The following XPNPEP1 variants were observed in gnomAD, a reference collection of about 807,000 sequenced individuals.
XPNPEP1 encodes the protein xaa-Pro aminopeptidase 1.
Under a neutral mutation model 92.4 loss-of-function variants are expected in XPNPEP1, and 39 were observed. The ratio of observed to expected loss-of-function variants is 0.42; its 90% CI spans 0.33 to 0.55. XPNPEP1 has a LOEUF of 0.55. XPNPEP1 is among the 20% of genes least tolerant of loss of function. The probability of loss-of-function intolerance (pLI) is 0.08; values close to 1 mark genes in which losing one functional copy is unlikely to be tolerated. For missense variants in XPNPEP1, 654 were observed against 856.1 expected, an observed-to-expected ratio of 0.76 and a Z score of 2.95; for synonymous variants, 307 against 299.4, an observed-to-expected ratio of 1.03 and a Z score of -0.26.
chr10:109,923,460 T>C lies in XPNPEP1; in HGVS notation c.-27A>G. On this transcript the variant is annotated 5_prime_UTR_variant, in exon 1 of 21. Coordinates refer to ENST00000502935, the MANE Select transcript of XPNPEP1 (RefSeq NM_020383.4). ...CGGCGGTGACGTGCCCCAGCCCACGTCAGGGGAGCGCAGACCAGCTGATCA... is the reference window on the plus strand; with the variant it reads ...CGGCGGTGACGTGCCCCAGCCCACGCCAGGGGAGCGCAGACCAGCTGATCA... The C allele has an allele frequency of 7.1e-7, 1 of 1,414,082 alleles. No individual in the cohort carries two copies. The highest frequency in any genetic ancestry group is 1.3e-5 in the South Asian group (1 of 74,090). 87.6% of individuals were successfully genotyped at this position (1,414,082 alleles called of 1,614,324 possible). A position where few individuals can be genotyped will look rare whatever the true frequency, so the allele number is the denominator to read the frequency against.
chr10:109,897,819 A>T (rs886847538), intron 3 of XPNPEP1, among the ~76,000 whole-genome samples: 3 of 151,966 alleles, frequency 2.0e-5, no homozygotes, highest in African/African-American at 7.2e-5. Flanking sequence ...ACACCCAGCT[A>T]ATTTTGGTAT....
chr10:109,869,732 G>A, intron 19 of XPNPEP1: 2 of 472,072 alleles, frequency 4.2e-6, no homozygotes. Flanking sequence ...GGGAAGGAGT[G>A]TGGTTTCCAG....
chr10:109,865,246 C>T lies in XPNPEP1; in HGVS notation c.1939G>A (p.Gly647Ser). Residue 647 changes from glycine to serine, a missense_variant, in exon 21 of 21, where the codon GGC becomes AGC. Coordinates refer to ENST00000502935, the MANE Select transcript of XPNPEP1 (RefSeq NM_020383.4). ...DVIGKELQKQ[G>S]RQEALEWLIR... ...AGCCACTCGAGAGCTTCCTGGCGGC[C>T]CTGTTTCTGCAATTCCTTCCCAATC... The T allele has an allele frequency of 6.2e-7, 1 of 1,614,146 alleles. No homozygotes were observed. Among genetic ancestry groups the T allele is most frequent in the East Asian group, 2.2e-5 (1 of 44,880 alleles).
chr10:109,913,074 A>G (rs181432443), intron 2 of XPNPEP1, among the ~76,000 whole-genome samples: 7 of 152,386 alleles, frequency 4.6e-5, no homozygotes, highest in Non-Finnish European at 8.8e-5. Context: ...CAACAGGCCT[A>G]GTCCACGATG....
Position 109,885,489 on chromosome 10 carries a change from T to G in XPNPEP1, c.748+757A>C, listed in dbSNP as rs566527582. 1.5e-3 allele frequency among the ~76,000 whole-genome samples: 223 copies of G among 152,368 alleles called. 1 individual carries two copies. Among genetic ancestry groups the G allele is most frequent in the African/African-American group, 5.0e-3 (209 of 41,592 alleles). On this transcript the variant is annotated intron_variant, in intron 8 of 20. Transcript: ENST00000502935. ...GAGAAAAGTTTTACAGGTGTTTTTC[T>G]CTGACGTTGAGATCATTAAGTTAAT... is the stretch of plus-strand genomic sequence containing the variant.
At chr10:109,916,700 G>C (rs1218946843) in intron 1 of XPNPEP1, among the ~76,000 whole-genome samples, 1 of 152,134 alleles carries the variant, frequency 6.6e-6, no homozygotes, top group Non-Finnish European at 1.5e-5. Flanking sequence ...ACCCCAATAT[G>C]TCTTCTAAAA....
At chr10:109,868,530 G>A in intron 20 of XPNPEP1, 84 bp downstream of exon 20, 3 of 1,174,736 alleles carry the variant, frequency 2.6e-6, no homozygotes, top group Non-Finnish European at 2.4e-6. Context: ...AGAGAATTTA[G>A]GATTTAGAGG....
At chr10:109,890,219 C>T (rs568605701) in intron 5 of XPNPEP1, among the ~76,000 whole-genome samples, 189 of 152,272 alleles carry the variant, frequency 1.2e-3, no homozygotes, top group Non-Finnish European at 2.3e-3. Flanking sequence ...GCAGTGTTTG[C>T]GCCTCTGACC....
At chr10:109,884,425 C>T in intron 8 of XPNPEP1, 1 of 368,134 alleles carries the variant, frequency 2.7e-6, no homozygotes, top group Non-Finnish European at 4.9e-6. Flanking sequence ...CTGAGAACTG[C>T]CCCCACAAGG....
intron 15 of XPNPEP1, among the ~76,000 whole-genome samples, chr10:109,875,255 G>C (rs564340644): frequency 6.6e-6 from 1 of 152,274 alleles, no homozygotes; most frequent in Non-Finnish European, 1.5e-5. Flanking sequence ...GGTTCCAAAA[G>C]CTTGCTTTAC....
At chr10:109,896,610 T>C (rs1849007062) in intron 3 of XPNPEP1, among the ~76,000 whole-genome samples, 1 of 152,040 alleles carries the variant, frequency 6.6e-6, no homozygotes, top group Non-Finnish European at 1.5e-5. Flanking sequence ...GTTTATTGTC[T>C]TGTTCCTCAA....
intron 2 of XPNPEP1, 68 bp downstream of exon 2, chr10:109,914,943 C>G: frequency 1.0e-6 from 1 of 1,001,754 alleles, no homozygotes; most frequent in South Asian, 2.0e-5. Flanking sequence ...CTCACCCAAC[C>G]TGGGGTTGGG....
chr10:109,891,719 C>T lies in XPNPEP1; in HGVS notation c.415+3G>A, dbSNP rs762023662. 6.4e-7 allele frequency: 1 copy of T among 1,568,320 alleles called. No individual in the cohort carries two copies. ...AGTTTGGGCTAGCCATGCCTGTACCCACCCATCTTCATAAGTGTCCAGTTG... is the reference window on the plus strand; with the variant it reads ...AGTTTGGGCTAGCCATGCCTGTACCTACCCATCTTCATAAGTGTCCAGTTG... On this transcript the variant is annotated splice_donor_region_variant and intron_variant, in intron 5 of 20. Transcript: ENST00000502935.
chr10:109,903,012 G>A (rs1394897475), intron 3 of XPNPEP1, among the ~76,000 whole-genome samples: 1 of 152,270 alleles, frequency 6.6e-6, no homozygotes, highest in East Asian at 1.9e-4. Context: ...CAGTCAGGGT[G>A]TCCAAAAATC....
Position 109,923,043 on chromosome 10 carries a change from C to T in XPNPEP1, c.32+359G>A, listed in dbSNP as rs564066566. On this transcript the variant is annotated intron_variant, in intron 1 of 20. Transcript: ENST00000502935. The stretch of plus-strand genomic sequence containing the variant: ...CGAGGGCAAAGGCTCGCCCACCTCC[C>T]CGGACACGAAGAGGGGCCAACTTCC... Among the ~76,000 whole-genome samples, 24 of 152,336 alleles carry T rather than the reference C, an allele frequency of 1.6e-4. 1 individual carries two copies. The South Asian group carries it at 5.0e-3, about 32-fold the overall frequency.
chr10:109,912,022 A>G (rs778084064), intron 2 of XPNPEP1, among the ~76,000 whole-genome samples: 1 of 152,172 alleles, frequency 6.6e-6, no homozygotes, highest in Non-Finnish European at 1.5e-5. Flanking sequence ...GATCTGTTCA[A>G]AAACATCCTC....
At chr10:109,915,597 C>T (rs887310515) in intron 1 of XPNPEP1, among the ~76,000 whole-genome samples, 2 of 151,824 alleles carry the variant, frequency 1.3e-5, no homozygotes, top group African/African-American at 2.4e-5. Flanking sequence ...ATTCCTTCTG[C>T]GTTTTGTGAT....
intron 5 of XPNPEP1, among the ~76,000 whole-genome samples, chr10:109,889,627 C>A (rs891756808): frequency 6.6e-6 from 1 of 152,212 alleles, no homozygotes; most frequent in African/African-American, 2.4e-5. Flanking sequence ...TTAATCTAAG[C>A]CAACACCTTC....
At chr10:109,898,283 C>T (rs1009092599) in intron 3 of XPNPEP1, among the ~76,000 whole-genome samples, 4 of 152,152 alleles carry the variant, frequency 2.6e-5, no homozygotes, top group African/African-American at 7.2e-5. Context: ...TAGCGCATGC[C>T]GAACATCTGA....
Sources: allele counts gnomAD v4.1 joint callset (sites outside exome capture counted in the v4.1 genomes callset), GRCh38; gene constraint gnomAD v4.1.1; transcripts MANE v1.5; gene names NCBI Gene and HGNC (gene_info 2026-07-23, HGNC 2026-07-21).